The following TMX4 variants were observed in gnomAD, a reference collection of about 807,000 sequenced individuals.
TMX4 encodes thioredoxin-related transmembrane protein 4.
TMX4 carries 23 observed loss-of-function variants against 33.3 expected under a neutral mutation model. The ratio of observed to expected loss-of-function variants is 0.69; its 90% CI spans 0.50 to 0.98. The LOEUF (loss-of-function observed/expected upper bound fraction) is 0.98, where lower values mean the gene tolerates loss of function less well. Ranked by LOEUF, TMX4 falls within the 50% of genes least tolerant of loss-of-function variation. TMX4 has a pLI of 0.00. For synonymous variants in TMX4, 164 were observed against 161.5 expected (o/e 1.02, Z -0.12); for missense variants, 399 against 448.9 (o/e 0.89, Z 1.01).
chr20:7,988,777 C>A, intron 5 of TMX4, among the ~76,000 whole-genome samples: 1 of 152,170 alleles, frequency 6.6e-6, no homozygotes, highest in East Asian at 1.9e-4. Flanking sequence ...GTAATCCCAG[C>A]ACTTTGGGAG....
chr20:7,999,815 G>A lies in TMX4; in HGVS notation c.384C>T (p.Phe128=), dbSNP rs756824619. 7.3e-5 allele frequency: 118 copies of A among 1,613,632 alleles called. 6 individuals are homozygous for A. The South Asian group carries it at 1.2e-3, about 16-fold the overall frequency. The part of the protein sequence containing the change: ...IFRRYRGPGI[F]EDLQNYILEK... ...CTAAGATATAATTCTGCAGGTCTTC[G>A]AAGATTCCTGGGCCACGATAACGGC... The change falls in exon 4 of 8, where the codon TTC becomes TTT. Residue 128 remains phenylalanine (F), a synonymous_variant. Coordinates refer to ENST00000246024, the MANE Select transcript of TMX4 (RefSeq NM_021156.4).
rs1169583329 is a variant in TMX4 at position 7,982,254 on chromosome 20, C to T, written c.1047G>A (p.Leu349=). Residue 349 remains leucine (L), a synonymous_variant, in exon 8 of 8, where the codon CTG becomes CTA. Coordinates refer to ENST00000246024, the MANE Select transcript of TMX4 (RefSeq NM_021156.4). ...TCTTGAAAACGCATCATTAAATCTACAGTCCCTTGTCAGCATGCTGACTTT... is the reference window on the plus strand; with the variant it reads ...TCTTGAAAACGCATCATTAAATCTATAGTCCCTTGTCAGCATGCTGACTTT... ...QRKSQHADKG[L] is the part of the protein sequence containing the mutation. 1.9e-6 allele frequency: 3 copies of T among 1,612,086 alleles called. No homozygotes were observed. Among genetic ancestry groups the T allele is most frequent in the Non-Finnish European group, 2.5e-6 (3 of 1,178,906 alleles).
chr20:7,978,561 T>C lies in TMX4; in HGVS notation c.*3690A>G, dbSNP rs563916282. ...TGGCCATAAAAAGTCAAATTTTGTT[T>C]TTTTTCCACTATCAAAAGCCAACTC... On this transcript the variant is annotated 3_prime_UTR_variant, in exon 8 of 8. Transcript: ENST00000246024. 10 of 152,366 alleles carry C rather than the reference T, an allele frequency of 6.6e-5. No homozygotes were observed. In the South Asian group the frequency reaches 2.1e-3, roughly 32 times the overall value. The allele number at this position is 152,366 out of a possible 1,614,324, so 9.4% of individuals were successfully genotyped here.
chr20:8,009,733 C>T (rs2050744480), intron 2 of TMX4, among the ~76,000 whole-genome samples: 1 of 151,792 alleles, frequency 6.6e-6, no homozygotes, highest in African/African-American at 2.4e-5. Flanking sequence ...AAAACTGTAG[C>T]TTTTTCTTTT....
chr20:7,987,473 A>G (rs2050636040), intron 5 of TMX4, 84 bp from the exon 6 acceptor site: 1 of 933,936 alleles, frequency 1.1e-6, no homozygotes, highest in Non-Finnish European at 1.6e-6. Flanking sequence ...TGTTGTTTCT[A>G]CATACATAGG....
intron 1 of TMX4, among the ~76,000 whole-genome samples, chr20:8,012,648 C>A (rs892166696): frequency 3.3e-5 from 5 of 152,080 alleles, no homozygotes; most frequent in African/African-American, 1.2e-4. Context: ...TTCCCTAGGA[C>A]GCTCTTTGCA....
chr20:8,003,866 A>T (rs1455033065), intron 2 of TMX4, among the ~76,000 whole-genome samples: 1 of 152,180 alleles, frequency 6.6e-6, no homozygotes, highest in Non-Finnish European at 1.5e-5. Flanking sequence ...AAAGACCAAT[A>T]AATCATATCA....
At chr20:7,995,002 AG>A (rs1393759646) in intron 5 of TMX4, among the ~76,000 whole-genome samples, 11 of 152,212 alleles carry the variant, frequency 7.2e-5, no homozygotes, top group African/African-American at 2.7e-4. Context: ...ACTGAAACCA[AG>A]TCTTCAATTC....
chr20:7,984,161 A>G (rs1379226060), intron 6 of TMX4, among the ~76,000 whole-genome samples: 2 of 152,226 alleles, frequency 1.3e-5, no homozygotes, highest in Admixed American at 6.5e-5. Context: ...TTTTAAATAC[A>G]CTATTCTGGA....
intron 2 of TMX4, among the ~76,000 whole-genome samples, chr20:8,006,494 T>C (rs2050731103): frequency 1.3e-5 from 2 of 152,142 alleles, no homozygotes; most frequent in Non-Finnish European, 2.9e-5. Context: ...TATACAGAAA[T>C]ACACAGTAAA....
chr20:8,019,755 G>A lies in TMX4; in HGVS notation c.-142C>T, dbSNP rs773206050. 9.9e-5 allele frequency: 69 copies of A among 700,030 alleles called. No homozygotes were observed. Among genetic ancestry groups the A allele is most frequent in the Non-Finnish European group, 1.3e-4 (63 of 497,830 alleles). The allele number at this position is 700,030 out of a possible 1,614,324, so 43.4% of individuals were successfully genotyped here. On this transcript the variant is annotated 5_prime_UTR_variant, in exon 1 of 8. Transcript: ENST00000246024. ...CCTACGCCTAGCGGCGCAGACTGGC[G>A]GTGCTCGCAATGCCGCGGAGGACGC...
chr20:7,996,141 G>C, intron 4 of TMX4, 70 bp from the exon 5 acceptor site: 1 of 1,283,718 alleles, frequency 7.8e-7, no homozygotes, highest in Non-Finnish European at 1.1e-6. Flanking sequence ...ATCAGGTCAG[G>C]AGGACTGGTC....
chr20:8,002,501 G>A (rs1427812540), intron 2 of TMX4, among the ~76,000 whole-genome samples: 3 of 152,054 alleles, frequency 2.0e-5, no homozygotes, highest in African/African-American at 7.2e-5. Context: ...ATATTTGCAT[G>A]GGCACCAAGA....
At chr20:8,014,107 T>G (rs6039000) in intron 1 of TMX4, among the ~76,000 whole-genome samples, 36,765 of 152,226 alleles carry the variant, frequency 0.24, 5,377 homozygotes, top group South Asian at 0.4. Flanking sequence ...ATTTATTTCT[T>G]TGGACAATAA....
rs368212898 is a variant in TMX4, at chr20:7,999,770, G to A, written c.429C>T (p.Val143=). 29 of 1,613,378 alleles carry A rather than the reference G, an allele frequency of 1.8e-5. No individual in the cohort carries two copies. Among genetic ancestry groups the A allele is most frequent in the African/African-American group, 9.4e-5 (7 of 74,858 alleles). ...NYILEKKWQS[V]EPLTGWKSPA... ...GGGATTTCCAGCCAGTCAGAGGCTC[G>A]ACTGATTGCCATTTCTTCTCTAAGA... Residue 143 remains valine (V), a synonymous_variant, in exon 4 of 8, where the codon GTC becomes GTT. Transcript: ENST00000246024.
chr20:8,018,521 A>AGAGAGAGAGG (rs1568541343), intron 1 of TMX4, among the ~76,000 whole-genome samples: 4 of 42,106 alleles, frequency 9.5e-5, no homozygotes, highest in Non-Finnish European at 7.1e-5. Flanking sequence ...AGAGAGAGAG[A>AGAGAGAGAGG]GAGAGAGTCT....
chr20:8,006,758 TTC>T (rs1491440321), intron 2 of TMX4, among the ~76,000 whole-genome samples: 13 of 106,676 alleles, frequency 1.2e-4, no homozygotes, highest in East Asian at 9.3e-4. Flanking sequence ...GAACTTCTTC[TTC>T]TTTTTTTTTT....
At chr20:7,996,948 G>C (rs182749873) in intron 4 of TMX4, among the ~76,000 whole-genome samples, 48 of 152,198 alleles carry the variant, frequency 3.2e-4, no homozygotes, top group African/African-American at 1.1e-3. Flanking sequence ...GGAACAGATT[G>C]TCAAGGCCAT....
chr20:8,013,391 A>G (rs2050760753), intron 1 of TMX4, among the ~76,000 whole-genome samples: 1 of 152,142 alleles, frequency 6.6e-6, no homozygotes, highest in Non-Finnish European at 1.5e-5. Context: ...ACTTTTGTTG[A>G]CTTGTTTGCA....
Sources: allele counts gnomAD v4.1 joint callset (sites outside exome capture counted in the v4.1 genomes callset), GRCh38; gene constraint gnomAD v4.1.1; transcripts MANE v1.5; gene names NCBI Gene and HGNC (gene_info 2026-07-23, HGNC 2026-07-21).